DYNC2I2: variants seen among roughly 807,000 people sequenced by gnomAD.
The protein encoded by DYNC2I2 is cytoplasmic dynein 2 intermediate chain 2.
In DYNC2I2, 39 loss-of-function variants were observed where a neutral mutation model predicts 52.0. That is an observed-to-expected ratio of 0.75 (90% CI 0.58 to 0.98). DYNC2I2 has a LOEUF of 0.98. Among genes scored for constraint, DYNC2I2 ranks in the 50% least tolerant of loss-of-function variants. DYNC2I2 has a pLI of 0.00. For missense variants in DYNC2I2, 743 were observed against 728.4 expected, an observed-to-expected ratio of 1.02 and a Z score of -0.23; for synonymous variants, 359 against 321.1, an observed-to-expected ratio of 1.12 and a Z score of -1.26.
intron 5 of DYNC2I2, 199 bp from the exon 6 acceptor site, chr9:128,635,458 G>A (rs1056515185): frequency 5.0e-5 from 40 of 799,022 alleles, no homozygotes; most frequent in Non-Finnish European, 7.6e-5. Context: ...CTGCTCACTC[G>A]GTGCCTGCAG....
Position 128,633,885 on chromosome 9 carries a change from G to GC in DYNC2I2, c.1469_1470insG (p.Phe490LeufsTer36). On this transcript the variant is annotated frameshift_variant, in exon 9 of 9. Coordinates refer to ENST00000372715, the MANE Select transcript of DYNC2I2 (RefSeq NM_052844.4). LOFTEE classifies it high-confidence loss of function. ...CCAAGAGCTGAGTCTGCTGGCTGTT[G>GC]AACTCCAGACAGTAGACAGGGCTTT... is the stretch of plus-strand genomic sequence containing the variant. 6.2e-7 allele frequency: 1 copy of GC among 1,613,486 alleles called. No homozygotes were observed. Among genetic ancestry groups the GC allele is most frequent in the Non-Finnish European group, 8.5e-7 (1 of 1,180,046 alleles).
chr9:128,671,067 C>A, the DYNC2I2 span, among the ~76,000 whole-genome samples: 11 of 106,846 alleles, frequency 1.0e-4, no homozygotes, highest in African/African-American at 2.8e-4. Context: ...AACTCCGTCT[C>A]AAAAAAAAAA....
chr9:128,654,844 C>G (rs1225764770), intron 1 of DYNC2I2, among the ~76,000 whole-genome samples: 1 of 152,196 alleles, frequency 6.6e-6, no homozygotes, highest in African/African-American at 2.4e-5. Context: ...GCAAACCACC[C>G]TCTCAATCCC....
the DYNC2I2 span, among the ~76,000 whole-genome samples, chr9:128,679,017 C>G: frequency 6.6e-6 from 1 of 151,960 alleles, no homozygotes; most frequent in East Asian, 2.0e-4. Flanking sequence ...TGCAGTGAGC[C>G]GAGATTGCGT....
At chr9:128,657,816 A>T (rs2132193392), upstream of DYNC2I2, among the ~76,000 whole-genome samples, 1 of 152,076 alleles carries the variant, frequency 6.6e-6, no homozygotes, top group East Asian at 1.9e-4. Context: ...CTAAAAAAAT[A>T]ATAATAGGCC....
At chr9:128,669,104 A>G in the DYNC2I2 span, among the ~76,000 whole-genome samples, 7 of 151,944 alleles carry the variant, frequency 4.6e-5, no homozygotes, top group South Asian at 4.2e-4. Context: ...GGTGGCTCAC[A>G]CCTGTAATCC....
intron 2 of DYNC2I2, among the ~76,000 whole-genome samples, chr9:128,639,667 T>G (rs968765664): frequency 2.6e-5 from 4 of 151,502 alleles, no homozygotes; most frequent in Non-Finnish European, 5.9e-5. Context: ...TTTTTTGTTG[T>G]TTTTTTGTCT....
chr9:128,679,877 T>C, the DYNC2I2 span, among the ~76,000 whole-genome samples: 2 of 152,028 alleles, frequency 1.3e-5, no homozygotes, highest in African/African-American at 4.8e-5. Flanking sequence ...CACACATATA[T>C]AAAATCTGGC....
At chr9:128,662,376 A>G in the DYNC2I2 span, among the ~76,000 whole-genome samples, 1 of 151,506 alleles carries the variant, frequency 6.6e-6, no homozygotes, top group Non-Finnish European at 1.5e-5. Context: ...CAGGATATTC[A>G]TAATTCCAAA....
At chr9:128,678,254 G>A in the DYNC2I2 span, among the ~76,000 whole-genome samples, 2 of 151,530 alleles carry the variant, frequency 1.3e-5, no homozygotes, top group African/African-American at 4.9e-5. Context: ...TTTTAGTAGA[G>A]ATGGGGTTTC....
intron 1 of DYNC2I2, among the ~76,000 whole-genome samples, chr9:128,656,236 A>G (rs1860821265): frequency 6.6e-6 from 1 of 152,014 alleles, no homozygotes; most frequent in Non-Finnish European, 1.5e-5. Context: ...ACAAAACCAA[A>G]AAAAGTTGTT....
intron 1 of DYNC2I2, among the ~76,000 whole-genome samples, chr9:128,648,766 C>T (rs1860668088): frequency 6.7e-6 from 1 of 149,580 alleles, no homozygotes; most frequent in Non-Finnish European, 1.5e-5. Context: ...TGCCACTGCA[C>T]TACAGCCTGG....
intron 2 of DYNC2I2, among the ~76,000 whole-genome samples, chr9:128,639,154 C>T (rs1488165849): frequency 6.6e-6 from 1 of 152,102 alleles, no homozygotes; most frequent in Non-Finnish European, 1.5e-5. Context: ...AATCACAGCA[C>T]TTTGGGAGGC....
At chr9:128,652,869 G>C (rs1860744410) in intron 1 of DYNC2I2, among the ~76,000 whole-genome samples, 1 of 150,114 alleles carries the variant, frequency 6.7e-6, no homozygotes, top group Admixed American at 6.6e-5. Context: ...AGTGAGCCAA[G>C]ATCATGCCAC....
chr9:128,654,509 C>T (rs961160847), intron 1 of DYNC2I2, among the ~76,000 whole-genome samples: 1 of 152,078 alleles, frequency 6.6e-6, no homozygotes, highest in Non-Finnish European at 1.5e-5. Flanking sequence ...CTCTCCAGCC[C>T]CACCTGCCTC....
chr9:128,679,606 G>C, the DYNC2I2 span, among the ~76,000 whole-genome samples: 1 of 151,772 alleles, frequency 6.6e-6, no homozygotes, highest in Non-Finnish European at 1.5e-5. Context: ...TGGGACTAAA[G>C]TCACATGCCT....
At chr9:128,655,622 AAAG>A (rs1353607941) in intron 1 of DYNC2I2, among the ~76,000 whole-genome samples, 13 of 144,892 alleles carry the variant, frequency 9.0e-5, no homozygotes, top group African/African-American at 3.3e-4. Flanking sequence ...AAAAGAAAAA[AAAG>A]AAGGCCGGGC....
Position 128,656,837 on chromosome 9 carries a change from G to T in DYNC2I2, c.-111C>A. ...GGCTGACGGCGCCATGTTTGAATTGGTCGCAGCGCCTCCTGCAAGACCTGG... is the reference window on the plus strand; with the variant it reads ...GGCTGACGGCGCCATGTTTGAATTGTTCGCAGCGCCTCCTGCAAGACCTGG... On this transcript the variant is annotated 5_prime_UTR_variant, in exon 1 of 9. Transcript: ENST00000372715. 1 of 1,108,094 alleles carries T rather than the reference G, an allele frequency of 9.0e-7. No individual in the cohort carries two copies. The highest frequency in any genetic ancestry group is 1.2e-6 in the Non-Finnish European group (1 of 845,478). 68.6% of individuals were successfully genotyped at this position (1,108,094 alleles called of 1,614,324 possible).
the DYNC2I2 span, chr9:128,684,041 A>C: frequency 4.1e-6 from 6 of 1,477,924 alleles, no homozygotes; most frequent in Non-Finnish European, 3.7e-6. Context: ...TTGGAGATTT[A>C]AGGGATTTGC....
Sources: gnomAD v4.1 joint callset for allele counts (sites outside exome capture counted in the v4.1 genomes callset) on GRCh38, gnomAD v4.1.1 for gene constraint, MANE v1.5 for transcripts, NCBI Gene and HGNC (gene_info 2026-07-23, HGNC 2026-07-21) for gene names.